Variants in DNAH5 observed in about 807,000 individuals in gnomAD.
DNAH5 encodes dynein axonemal heavy chain 5.
In DNAH5, 372 loss-of-function variants were observed where a neutral mutation model predicts 518.2. The observed-to-expected ratio is 0.72, with a 90% CI of 0.66 to 0.78. The LOEUF (loss-of-function observed/expected upper bound fraction) is 0.78, where lower values mean the gene tolerates loss of function less well. DNAH5 is among the 30% of genes least tolerant of loss of function. The pLI is 0.00. For synonymous variants in DNAH5, 2,039 were observed against 2,025.9 expected, an observed-to-expected ratio of 1.01 and a Z score of -0.17; for missense variants, 5,523 against 5,687.0, an observed-to-expected ratio of 0.97 and a Z score of 0.93.
At chr5:13,724,262 A>C (rs1369375495) in intron 70 of DNAH5, among the ~76,000 whole-genome samples, 1 of 152,190 alleles carries the variant, frequency 6.6e-6, no homozygotes, top group Non-Finnish European at 1.5e-5. Flanking sequence ...GGTCAAAGGA[A>C]ATTATTTTGG....
At chr5:13,833,665 A>G (rs1400522753) in intron 35 of DNAH5, among the ~76,000 whole-genome samples, 4 of 152,122 alleles carry the variant, frequency 2.6e-5, no homozygotes, top group Non-Finnish European at 5.9e-5. Context: ...CACTCAGGCA[A>G]CACTCACAGA....
chr5:13,917,738 G>A (rs1192570073), intron 7 of DNAH5, among the ~76,000 whole-genome samples: 6 of 152,212 alleles, frequency 3.9e-5, no homozygotes, highest in African/African-American at 1.4e-4. Flanking sequence ...CTAAAAGTGA[G>A]AGAAGTAAAA....
intron 49 of DNAH5, 67 bp from the exon 50 acceptor site, chr5:13,792,284 T>C (rs1006102148): frequency 1.4e-6 from 2 of 1,410,094 alleles, no homozygotes; most frequent in Non-Finnish European, 2.0e-6. Flanking sequence ...ATGAAAAGCA[T>C]TATAGCATAG....
chr5:13,860,634 C>A (rs1049257569), intron 29 of DNAH5: 1 of 152,214 alleles, frequency 6.6e-6, no homozygotes, highest in African/African-American at 2.4e-5. Context: ...TGAGCCAGAC[C>A]AAGCTTGGGT....
At position 13,792,045 on chromosome 5, in the gene DNAH5, C is replaced by A. The variant is rs773814447; in HGVS notation, c.8397G>T (p.Arg2799=). 1 of 1,613,916 alleles carries A rather than the reference C, an allele frequency of 6.2e-7. No homozygotes were observed. The highest frequency in any genetic ancestry group is 8.5e-7 in the Non-Finnish European group (1 of 1,179,964). The change falls in exon 50 of 79, where the codon CGG becomes CGT. Residue 2799 remains arginine, a synonymous_variant. Coordinates refer to ENST00000265104, the MANE Select transcript of DNAH5 (RefSeq NM_001369.3). ...HYVFNLRDLS[R]VWQGMLNTTS... ...TAGTGTTCAGCATTCCCTGCCAGAC[C>A]CGAGAAAGATCTCGTAGGTTAAACA...
At chr5:13,807,034 A>G (rs1010856568) in intron 47 of DNAH5, among the ~76,000 whole-genome samples, 4 of 152,228 alleles carry the variant, frequency 2.6e-5, no homozygotes, top group African/African-American at 9.7e-5. Context: ...TGAACCAATC[A>G]TAGCTGGGGA....
chr5:13,879,894 G>A (rs1284291548), intron 21 of DNAH5, among the ~76,000 whole-genome samples: 1 of 149,020 alleles, frequency 6.7e-6, no homozygotes, highest in African/African-American at 2.5e-5. Flanking sequence ...CATACTCAGA[G>A]AAATAATGGC....
intron 1 of DNAH5, among the ~76,000 whole-genome samples, chr5:13,940,953 T>C (rs1450462522): frequency 6.6e-6 from 1 of 152,154 alleles, no homozygotes; most frequent in Non-Finnish European, 1.5e-5. Flanking sequence ...GTGGAATGGA[T>C]AAGTTTTGCA....
intron 1 of DNAH5, among the ~76,000 whole-genome samples, chr5:13,957,341 C>T (rs539050150): frequency 5.9e-5 from 9 of 152,266 alleles, no homozygotes; most frequent in African/African-American, 2.2e-4. Context: ...ACCCATGTCT[C>T]ATGAGTACAT....
At chr5:14,001,456 T>C (rs1784346619) in intron 1 of DNAH5, among the ~76,000 whole-genome samples, 1 of 151,548 alleles carries the variant, frequency 6.6e-6, no homozygotes, top group African/African-American at 2.4e-5. Context: ...CTCCGCCTCC[T>C]GGGTTCATGC....
intron 75 of DNAH5, among the ~76,000 whole-genome samples, chr5:13,709,077 T>C (rs973423811): frequency 6.6e-6 from 1 of 152,240 alleles, no homozygotes; most frequent in South Asian, 2.1e-4. Flanking sequence ...GATAACAGTA[T>C]TGATTTTTCT....
intron 1 of DNAH5, among the ~76,000 whole-genome samples, chr5:13,973,496 C>A (rs1182125257): frequency 1.3e-5 from 2 of 152,172 alleles, no homozygotes; most frequent in Non-Finnish European, 1.5e-5. Context: ...GATGGCCCTG[C>A]CAGCTGAGCT....
intron 6 of DNAH5, 105 bp downstream of exon 6, chr5:13,920,375 A>G: frequency 8.1e-6 from 12 of 1,481,660 alleles, no homozygotes; most frequent in South Asian, 3.4e-5. Flanking sequence ...AAGGATTTAC[A>G]GTAAAACGCT....
intron 1 of DNAH5, among the ~76,000 whole-genome samples, chr5:13,967,180 AT>A (rs1312061513): frequency 2.6e-5 from 4 of 152,222 alleles, no homozygotes; most frequent in African/African-American, 9.6e-5. Context: ...TTTTGGTTTA[AT>A]TAAGTCCCAT....
At position 13,775,445 on chromosome 5, in the gene DNAH5, AGATGGATAGATAATGGATC is replaced by A. The variant is rs530755574; in HGVS notation, c.9373+975_9373+993del. Among the ~76,000 whole-genome samples the A allele has an allele frequency of 1.9e-3, 292 of 152,274 alleles. 4 individuals carry two copies. The highest frequency in any genetic ancestry group is 6.8e-3 in the African/African-American group (282 of 41,564). On this transcript the variant is annotated intron_variant, in intron 55 of 78. Coordinates refer to ENST00000265104, the MANE Select transcript of DNAH5 (RefSeq NM_001369.3). ...GGATAGATAATAGACAGATAAAGATAGATGGATAGATAATGGATCGATGGATAGATAATTAATAGATATT... is the reference window on the plus strand; with the variant it reads ...GGATAGATAATAGACAGATAAAGATAGATGGATAGATAATTAATAGATATT...
chr5:13,769,728 G>C, intron 56 of DNAH5, 113 bp from the exon 57 acceptor site: 1 of 922,596 alleles, frequency 1.1e-6, no homozygotes, highest in Non-Finnish European at 1.8e-6. Flanking sequence ...TTGCATGTAT[G>C]CAAGTAGCAA....
chr5:13,781,145 T>C (rs184540562), intron 52 of DNAH5, among the ~76,000 whole-genome samples, 186 bp from the exon 53 acceptor site: 2 of 152,184 alleles, frequency 1.3e-5, no homozygotes, highest in Admixed American at 1.3e-4. Context: ...TTGGGCTGCA[T>C]CAGACGGGGT....
intron 16 of DNAH5, among the ~76,000 whole-genome samples, chr5:13,893,857 AG>A (rs1190341626): frequency 6.6e-6 from 1 of 150,576 alleles, no homozygotes; most frequent in Non-Finnish European, 1.5e-5. Context: ...GGCTATGCAG[AG>A]GAGAGGGTGT....
chr5:13,958,086 G>A (rs1195742459), intron 1 of DNAH5, among the ~76,000 whole-genome samples: 1 of 151,334 alleles, frequency 6.6e-6, no homozygotes, highest in South Asian at 2.1e-4. Flanking sequence ...CAATTACATA[G>A]GCCTTGATTT....
Sources: allele counts gnomAD v4.1 joint callset (sites outside exome capture counted in the v4.1 genomes callset), GRCh38; gene constraint gnomAD v4.1.1; transcripts MANE v1.5; gene names NCBI Gene and HGNC (gene_info 2026-07-23, HGNC 2026-07-21).